The following MEAF6 variants were observed in gnomAD, a reference collection of about 807,000 sequenced individuals.
MEAF6 encodes chromatin modification-related protein MEAF6.
A neutral mutation model predicts 28.9 loss-of-function variants in MEAF6; 15 were observed. The ratio of observed to expected loss-of-function variants is 0.52; its 90% CI spans 0.35 to 0.80. The LOEUF (loss-of-function observed/expected upper bound fraction) is 0.80, where lower values mean the gene tolerates loss of function less well. MEAF6 is among the 30% of genes least tolerant of loss of function. The pLI, the probability that MEAF6 is intolerant of heterozygous loss-of-function variation, is 0.01. For synonymous variants in MEAF6, 97 were observed against 88.7 expected (o/e 1.09, Z -0.53); for missense variants, 178 against 237.5 (o/e 0.75, Z 1.65).
chr1:37,497,621 T>C (rs1258632659), intron 5 of MEAF6, among the ~76,000 whole-genome samples: 1 of 151,242 alleles, frequency 6.6e-6, no homozygotes, highest in Non-Finnish European at 1.5e-5. Flanking sequence ...GACAGAGTTT[T>C]GCTCTTGTCA....
At chr1:37,498,257 T>C (rs959022971) in intron 5 of MEAF6, among the ~76,000 whole-genome samples, 1 of 152,162 alleles carries the variant, frequency 6.6e-6, no homozygotes, top group African/African-American at 2.4e-5. Flanking sequence ...AGTAGGTGTA[T>C]GAAACTAGGA....
intron 5 of MEAF6, 87 bp downstream of exon 5, chr1:37,501,716 GC>G: frequency 7.9e-7 from 1 of 1,268,690 alleles, no homozygotes. Flanking sequence ...GAAAGAGTCT[GC>G]AGCAATCCTA....
chr1:37,506,638 C>G (rs1262615145), intron 4 of MEAF6, among the ~76,000 whole-genome samples: 1 of 152,172 alleles, frequency 6.6e-6, no homozygotes, highest in Non-Finnish European at 1.5e-5. Flanking sequence ...TCACCTCGGC[C>G]TCCCAAAGTG....
At chr1:37,508,448 T>A (rs1642558783) in intron 4 of MEAF6, among the ~76,000 whole-genome samples, 1 of 151,976 alleles carries the variant, frequency 6.6e-6, no homozygotes, top group East Asian at 1.9e-4. Flanking sequence ...CTGGCTAATT[T>A]TTTAATTTTT....
At chr1:37,498,519 G>A (rs1213591404) in intron 5 of MEAF6, among the ~76,000 whole-genome samples, 1 of 151,294 alleles carries the variant, frequency 6.6e-6, no homozygotes, top group East Asian at 1.9e-4. Context: ...CAACCTCCTG[G>A]GCTCAAGCAA....
intron 5 of MEAF6, among the ~76,000 whole-genome samples, chr1:37,498,518 G>C (rs1401805070): frequency 6.6e-6 from 1 of 151,524 alleles, no homozygotes; most frequent in Non-Finnish European, 1.5e-5. Context: ...TCAACCTCCT[G>C]GGCTCAAGCA....
At chr1:37,494,715 C>T (rs1642057424) in intron 6 of MEAF6, among the ~76,000 whole-genome samples, 1 of 151,466 alleles carries the variant, frequency 6.6e-6, no homozygotes, top group Non-Finnish European at 1.5e-5. Context: ...CCTGTGGTCT[C>T]AGCTACCCAG....
At position 37,502,016 on chromosome 1, in the gene MEAF6, A is replaced by C. The variant is rs1297790103; in HGVS notation, c.341-20T>G. The C allele has an allele frequency of 6.3e-7, 1 of 1,582,016 alleles. No individual in the cohort carries two copies. Among genetic ancestry groups the C allele is most frequent in the Non-Finnish European group, 8.6e-7 (1 of 1,157,414 alleles). On this transcript the variant is annotated intron_variant, in intron 4 of 6. Transcript: ENST00000296214. ...GCTCCCCTGAAGGAAATAAAACACA[A>C]GTTTCCAAATGCATCATCAGTACTC...
intron 4 of MEAF6, among the ~76,000 whole-genome samples, chr1:37,503,532 T>C (rs1312235334): frequency 1.3e-5 from 2 of 151,844 alleles, no homozygotes; most frequent in African/African-American, 2.4e-5. Context: ...GGCACATGCC[T>C]GGAGTCTCAG....
chr1:37,496,401 C>T (rs889868284), intron 5 of MEAF6: 2 of 337,124 alleles, frequency 5.9e-6, no homozygotes, highest in Non-Finnish European at 1.1e-5. Flanking sequence ...ATATCAAGAT[C>T]TTAAGCTATT....
At chr1:37,495,701 A>AAAAC (rs1557603895) in intron 6 of MEAF6, among the ~76,000 whole-genome samples, 184 bp downstream of exon 6, 10 of 114,048 alleles carry the variant, frequency 8.8e-5, no homozygotes, top group South Asian at 2.5e-4. Context: ...AAAAAACAAA[A>AAAAC]AACAAAAAAA....
At chr1:37,496,548 TC>T in intron 5 of MEAF6, 1 of 1,409,126 alleles carries the variant, frequency 7.1e-7, no homozygotes, top group Non-Finnish European at 9.3e-7. Context: ...AAATGTTACC[TC>T]CATCACGTTT....
At chr1:37,498,297 TTGAC>T (rs1311230349) in intron 5 of MEAF6, among the ~76,000 whole-genome samples, 1 of 152,158 alleles carries the variant, frequency 6.6e-6, no homozygotes, top group Non-Finnish European at 1.5e-5. Context: ...TCAGCCTGAC[TTGAC>T]TTTGTTCACA....
intron 4 of MEAF6, among the ~76,000 whole-genome samples, chr1:37,507,513 G>T (rs979628885): frequency 6.6e-6 from 1 of 151,588 alleles, no homozygotes; most frequent in Non-Finnish European, 1.5e-5. Context: ...AAAAGGACTT[G>T]GTATAATTGA....
At chr1:37,497,269 G>A (rs929788570) in intron 5 of MEAF6, among the ~76,000 whole-genome samples, 9 of 152,170 alleles carry the variant, frequency 5.9e-5, no homozygotes, top group African/African-American at 1.9e-4. Context: ...ACGGAGTCTC[G>A]CTCTGGCACC....
intron 6 of MEAF6, among the ~76,000 whole-genome samples, chr1:37,494,515 C>CA (rs35851858): frequency 0.44 from 36,446 of 82,330 alleles, 7,581 homozygotes; most frequent in East Asian, 0.53. Flanking sequence ...AACTCTGTTT[C>CA]AAAAAAAAAA....
At position 37,491,705 on chromosome 1, in the gene MEAF6, A is replaced by C. The variant is rs1005347898; in HGVS notation, c.*2394T>G. ...CAGAGCAAGATCCTGTCAATAAATA[A>C]ATAAATAAATAAATAAATAAATAAA... On this transcript the variant is annotated 3_prime_UTR_variant, in exon 7 of 7. Transcript: ENST00000296214. 2.0e-5 allele frequency among the ~76,000 whole-genome samples: 3 copies of C among 149,884 alleles called. No individual in the cohort carries two copies. The highest frequency in any genetic ancestry group is 4.4e-5 in the Non-Finnish European group (3 of 67,616).
Position 37,494,206 on chromosome 1 carries a change from C to A in MEAF6, c.568-99G>T, listed in dbSNP as rs144395090. 412 of 977,084 alleles carry A rather than the reference C, an allele frequency of 4.2e-4. 4 individuals are homozygous for A. The East Asian group carries it at 6.7e-3, about 16-fold the overall frequency. 60.5% of individuals were successfully genotyped at this position (977,084 alleles called of 1,614,324 possible). A position where few individuals can be genotyped will look rare whatever the true frequency, so the allele number is the denominator to read the frequency against. ...TCTCATAAACAACTCTACTAGGGGACTGCTCTATAGCTAAAGATTATATTT... is the reference window on the plus strand; with the variant it reads ...TCTCATAAACAACTCTACTAGGGGAATGCTCTATAGCTAAAGATTATATTT... On this transcript the variant is annotated intron_variant, in intron 6 of 6. Transcript: ENST00000296214.
In MEAF6 at chr1:37,509,520, G is replaced by A. The variant is rs541032998; in HGVS notation, c.229C>T (p.Arg77Ter). 1 of 1,613,942 alleles carries A rather than the reference G, an allele frequency of 6.2e-7. No homozygotes were observed. Among genetic ancestry groups the A allele is most frequent in the Non-Finnish European group, 8.5e-7 (1 of 1,179,962 alleles). ...NQKNSNSKND[R>*]RNRKFKEAER... ...GCTTCCTTAAACTTCCGGTTCCTTC[G>A]ATCATTTTTGCTATTGGAGTTTCTA... The change falls in exon 3 of 7, where the codon CGA becomes TGA. Residue 77 changes from arginine to a stop codon, truncating the protein, a stop_gained. Coordinates refer to ENST00000296214, the MANE Select transcript of MEAF6 (RefSeq NM_001270875.3). LOFTEE classifies it high-confidence loss of function.
Sources: allele counts gnomAD v4.1 joint callset (sites outside exome capture counted in the v4.1 genomes callset), GRCh38; gene constraint gnomAD v4.1.1; transcripts MANE v1.5; gene names NCBI Gene and HGNC (gene_info 2026-07-23, HGNC 2026-07-21).